C1QTNF3: variants seen among roughly 807,000 people sequenced by gnomAD.
C1QTNF3 encodes the protein C1q and TNF related 3, also known as complement C1q tumor necrosis factor-related protein 3.
C1QTNF3 carries 26 observed loss-of-function variants against 32.6 expected under a neutral mutation model. The observed-to-expected ratio is 0.80, with a 90% confidence interval of 0.58 to 1.11. C1QTNF3 has a LOEUF of 1.11. Ranked by LOEUF, C1QTNF3 falls within the 50% of genes least tolerant of loss-of-function variation. The pLI, the probability that C1QTNF3 is intolerant of heterozygous loss-of-function variation, is 0.00. For missense variants in C1QTNF3, 362 were observed against 398.2 expected (o/e 0.91, Z 0.77); for synonymous variants, 155 against 146.0 (o/e 1.06, Z -0.44).
At chr5:34,145,940 T>C in the C1QTNF3 span, among the ~76,000 whole-genome samples, 1 of 152,116 alleles carries the variant, frequency 6.6e-6, no homozygotes, top group Non-Finnish European at 1.5e-5. Flanking sequence ...AAAAAGACTT[T>C]TGATAAACTC....
the C1QTNF3 span, among the ~76,000 whole-genome samples, chr5:34,154,410 T>G: frequency 2.0e-5 from 3 of 152,204 alleles, no homozygotes; most frequent in Non-Finnish European, 2.9e-5. Flanking sequence ...TATTTCTTGC[T>G]GTTAATCAGA....
At chr5:34,120,517 T>A in the C1QTNF3 span, among the ~76,000 whole-genome samples, 1 of 152,186 alleles carries the variant, frequency 6.6e-6, no homozygotes, top group Non-Finnish European at 1.5e-5. Flanking sequence ...TTTGGTTGTG[T>A]CTCCACTCAA....
At chr5:34,110,467 T>C in the C1QTNF3 span, among the ~76,000 whole-genome samples, 8 of 151,932 alleles carry the variant, frequency 5.3e-5, no homozygotes, top group African/African-American at 1.2e-4. Flanking sequence ...AGGCATGGTA[T>C]ACAGTTCAGA....
At chr5:34,025,911 G>T (rs1004911515) in intron 4 of C1QTNF3, among the ~76,000 whole-genome samples, 1 of 152,208 alleles carries the variant, frequency 6.6e-6, no homozygotes, top group African/African-American at 2.4e-5. Flanking sequence ...TGATTTTCAT[G>T]ACATTAAAGT....
At chr5:34,113,132 A>G in the C1QTNF3 span, among the ~76,000 whole-genome samples, 2 of 129,404 alleles carry the variant, frequency 1.5e-5, no homozygotes, top group African/African-American at 5.1e-5. Flanking sequence ...TATTTTCCCA[A>G]TAAAAAGTAC....
chr5:34,090,189 G>A, the C1QTNF3 span, among the ~76,000 whole-genome samples: 2 of 149,818 alleles, frequency 1.3e-5, no homozygotes, highest in Admixed American at 1.3e-4. Context: ...CTGTATGGAC[G>A]ATCATAAAAA....
chr5:34,137,212 A>G, the C1QTNF3 span, among the ~76,000 whole-genome samples: 7 of 152,094 alleles, frequency 4.6e-5, no homozygotes, highest in Non-Finnish European at 7.3e-5. Flanking sequence ...CCAAAGGTCC[A>G]AGACAAATAT....
At chr5:34,176,959 G>A in the C1QTNF3 span, among the ~76,000 whole-genome samples, 18 of 152,278 alleles carry the variant, frequency 1.2e-4, no homozygotes, top group African/African-American at 4.1e-4. Flanking sequence ...TTGGGAGGTC[G>A]AGGCAGGAGG....
In C1QTNF3 at chr5:34,018,219, T is replaced by C. The variant is rs1754241886; in HGVS notation, c.*2364A>G. On this transcript the variant is annotated 3_prime_UTR_variant, in exon 6 of 6. Transcript: ENST00000382065. Reference sequence around the variant, plus strand: ...ATACTAAATATTTTGGGGAATTTTATAAATTTTCTATAGTGAGTTTTTTAA... The same window carrying C: ...ATACTAAATATTTTGGGGAATTTTACAAATTTTCTATAGTGAGTTTTTTAA... Among the ~76,000 whole-genome samples the C allele has an allele frequency of 6.6e-6, 1 of 151,954 alleles. No homozygotes were observed. The highest frequency in any genetic ancestry group is 2.4e-5 in the African/African-American group (1 of 41,444).
At chr5:34,043,658 C>T (rs911341838), upstream of C1QTNF3, 3 of 153,364 alleles carry the variant, frequency 2.0e-5, no homozygotes, top group African/African-American at 7.2e-5. Flanking sequence ...TAGTATTTCC[C>T]CACTTTGGCC....
At chr5:34,043,698 A>T (rs1038289839), upstream of C1QTNF3, 5 of 152,632 alleles carry the variant, frequency 3.3e-5, 1 homozygote, top group Admixed American at 2.0e-4. Context: ...CCCCTTCCGG[A>T]TACCAGTGGC....
chr5:34,171,567 T>C, the C1QTNF3 span, among the ~76,000 whole-genome samples: 1 of 152,054 alleles, frequency 6.6e-6, no homozygotes, highest in Non-Finnish European at 1.5e-5. Flanking sequence ...CAATTCAGTC[T>C]CTATAATAAG....
chr5:34,161,780 T>C, the C1QTNF3 span, among the ~76,000 whole-genome samples: 2 of 152,192 alleles, frequency 1.3e-5, no homozygotes, highest in Admixed American at 1.3e-4. Flanking sequence ...TGGAGAGTTC[T>C]ATAAATTATA....
At chr5:34,124,161 ATGT>A in the C1QTNF3 span, 1 of 372,066 alleles carries the variant, frequency 2.7e-6, no homozygotes, top group African/African-American at 2.1e-5. Context: ...AGATACTGAA[ATGT>A]TGTTCTAATG....
chr5:34,091,264 CA>C, the C1QTNF3 span, among the ~76,000 whole-genome samples: 1 of 152,278 alleles, frequency 6.6e-6, no homozygotes, highest in African/African-American at 2.4e-5. Flanking sequence ...AGAGCGGCCC[CA>C]CCTACTTTGT....
chr5:34,056,083 T>C, the C1QTNF3 span, among the ~76,000 whole-genome samples: 1 of 152,206 alleles, frequency 6.6e-6, no homozygotes, highest in African/African-American at 2.4e-5. Flanking sequence ...AGTTTTATCC[T>C]GAAATGCATG....
chr5:34,064,755 A>C, the C1QTNF3 span, among the ~76,000 whole-genome samples: 1 of 152,188 alleles, frequency 6.6e-6, no homozygotes, highest in African/African-American at 2.4e-5. Context: ...CAGTTGCAAG[A>C]TTTAATAGAA....
the C1QTNF3 span, among the ~76,000 whole-genome samples, chr5:34,110,217 C>T: frequency 2.0e-5 from 3 of 152,058 alleles, 1 homozygote; most frequent in African/African-American, 7.2e-5. Context: ...GGGCAAGCAG[C>T]GTTCCTTTGA....
At chr5:34,216,429 TTAAGG>T in the C1QTNF3 span, among the ~76,000 whole-genome samples, 1 of 152,216 alleles carries the variant, frequency 6.6e-6, no homozygotes, top group African/African-American at 2.4e-5. Flanking sequence ...CTCCCATTAA[TTAAGG>T]TATTTCTTAT....
Sources: gnomAD v4.1 joint callset for allele counts (sites outside exome capture counted in the v4.1 genomes callset) on GRCh38, gnomAD v4.1.1 for gene constraint, MANE v1.5 for transcripts, NCBI Gene and HGNC (gene_info 2026-07-23, HGNC 2026-07-21) for gene names.